The following KIF14 variants were observed in gnomAD, a reference collection of about 807,000 sequenced individuals.
KIF14 encodes the protein kinesin family member 14, also known as kinesin-like protein KIF14.
In KIF14, 98 loss-of-function variants were observed where a neutral mutation model predicts 176.2. That is an observed-to-expected ratio of 0.56 (90% CI 0.47 to 0.66). The LOEUF is 0.66. Among genes scored for constraint, KIF14 ranks in the 30% least tolerant of loss-of-function variants. KIF14 has a pLI of 0.00. For missense variants in KIF14, 1,751 were observed against 1,920.4 expected (o/e 0.91, Z 1.65); for synonymous variants, 566 against 632.2 (o/e 0.90, Z 1.57).
At position 200,598,212 on chromosome 1, in the gene KIF14, C is replaced by CT. The variant is rs759440872; in HGVS notation, c.2549+24dup. The CT allele has an allele frequency of 6.5e-4, 1,013 of 1,548,840 alleles. 3 individuals carry two copies. The African/African-American group carries it at 6.8e-3, about 10-fold the overall frequency. ...TCAAGATATAGAACAGGTGCCTTTT[C>CT]TTTTTTTTTAGAGGATTAACATACC... On this transcript the variant is annotated intron_variant, in intron 14 of 29. Transcript: ENST00000367350.
intron 4 of KIF14, among the ~76,000 whole-genome samples, chr1:200,612,957 G>A (rs962672497): frequency 1.3e-4 from 18 of 141,548 alleles, no homozygotes; most frequent in South Asian, 8.7e-4. Flanking sequence ...GCGCGATCTC[G>A]GCTCACTGCA....
chr1:200,577,824 G>A (rs1658213321), intron 21 of KIF14, among the ~76,000 whole-genome samples: 1 of 151,974 alleles, frequency 6.6e-6, no homozygotes, highest in East Asian at 1.9e-4. Flanking sequence ...AAGATAAACT[G>A]TGACACTTTC....
At position 200,584,921 on chromosome 1, in the gene KIF14, G is replaced by A. The variant is rs140639257; in HGVS notation, c.3241+1180C>T. Reference sequence around the variant, plus strand: ...GAAGAAGTAAAATTGTTAGTTTATAGACGACATGATCTTATATATAGAAAA... The same window carrying A: ...GAAGAAGTAAAATTGTTAGTTTATAAACGACATGATCTTATATATAGAAAA... On this transcript the variant is annotated intron_variant, in intron 19 of 29. Transcript: ENST00000367350. Among the ~76,000 whole-genome samples, 477 of 152,260 alleles carry A rather than the reference G, an allele frequency of 3.1e-3. 3 individuals are homozygous for A. Among genetic ancestry groups the A allele is most frequent in the African/African-American group, 0.011 (437 of 41,534 alleles).
rs757170280 is a variant in KIF14 at position 200,618,048 on chromosome 1, G to C, written c.676C>G (p.Gln226Glu). 4 of 1,614,152 alleles carry C rather than the reference G, an allele frequency of 2.5e-6. No homozygotes were observed. Among genetic ancestry groups the C allele is most frequent in the South Asian group, 1.1e-5 (1 of 91,076 alleles). The change falls in exon 2 of 30, where the codon CAG (glutamine) becomes GAG (glutamate). Residue 226 changes from glutamine to glutamate, a missense_variant. By Grantham distance (29) the Gln-to-Glu change is conservative. Transcript: ENST00000367350. ...SNRPPIASLS[Q>E]TEVVRSGHLT... ...TGTCCTGATCTAACAACTTCAGTCT[G>C]ACTCAGGGAAGCAATGGGTGGTCTA...
rs78704393 is a variant in KIF14 at position 200,552,181 on chromosome 1, A to T, written c.*1207T>A. On this transcript the variant is annotated 3_prime_UTR_variant, in exon 30 of 30. Coordinates refer to ENST00000367350, the MANE Select transcript of KIF14 (RefSeq NM_014875.3). Reference sequence around the variant, plus strand: ...CTTTTTTTTTCTTCTTTTTTTTTAAATGAATTATTCTTTAGGAACTGCTCA... The same window carrying T: ...CTTTTTTTTTCTTCTTTTTTTTTAATTGAATTATTCTTTAGGAACTGCTCA... 2 of 152,040 alleles carry T rather than the reference A, an allele frequency of 1.3e-5. No individual in the cohort carries two copies. Among genetic ancestry groups the T allele is most frequent in the Non-Finnish European group, 2.9e-5 (2 of 68,030 alleles). The allele number at this position is 152,040 out of a possible 1,614,324, so 9.4% of individuals were successfully genotyped here. A position where few individuals can be genotyped will look rare whatever the true frequency, so the allele number is the denominator to read the frequency against.
In KIF14 at chr1:200,595,606, A is replaced by G. The variant is rs191746409; in HGVS notation, c.2550-1837T>C. On this transcript the variant is annotated intron_variant, in intron 14 of 29. Transcript: ENST00000367350. Reference sequence around the variant, plus strand: ...ATTTGTTAAAGAAAATAATTAATTAATAAAAGAGCAAAAGAACCTAAAGAA... The same window carrying G: ...ATTTGTTAAAGAAAATAATTAATTAGTAAAAGAGCAAAAGAACCTAAAGAA... Among the ~76,000 whole-genome samples the G allele has an allele frequency of 7.5e-3, 1,147 of 152,286 alleles. 2 individuals are homozygous for G. Among genetic ancestry groups the G allele is most frequent in the Non-Finnish European group, 0.01 (683 of 68,032 alleles).
Position 200,553,771 on chromosome 1 carries a change from T to C in KIF14, c.4568-4A>G, listed in dbSNP as rs747231851. ...AGATTTATATCACTATGGCATCCTA[T>C]ATGCAAGAGAGGAGGGAAAAGTTAA... On this transcript the variant is annotated splice_region_variant and splice_polypyrimidine_tract_variant and intron_variant, in intron 29 of 29. Transcript: ENST00000367350. 2 of 1,575,988 alleles carry C rather than the reference T, an allele frequency of 1.3e-6. No individual in the cohort carries two copies. The highest frequency in any genetic ancestry group is 1.9e-5 in the Admixed American group (1 of 53,726).
At chr1:200,580,843 G>A (rs1658400341) in intron 20 of KIF14, among the ~76,000 whole-genome samples, 1 of 152,052 alleles carries the variant, frequency 6.6e-6, no homozygotes, top group Non-Finnish European at 1.5e-5. Flanking sequence ...GGGCGCAGTG[G>A]CTCACACCTG....
intron 27 of KIF14, among the ~76,000 whole-genome samples, chr1:200,555,877 T>C (rs1656805698): frequency 6.6e-6 from 1 of 152,158 alleles, no homozygotes; most frequent in Non-Finnish European, 1.5e-5. Flanking sequence ...AAATTGCACA[T>C]TGATTTCTAT....
intron 28 of KIF14, 120 bp downstream of exon 28, chr1:200,555,260 A>C: frequency 1.6e-6 from 1 of 632,024 alleles, no homozygotes; most frequent in Non-Finnish European, 2.8e-6. Context: ...CTACAATTAG[A>C]CATATACAAA....
chr1:200,594,304 C>T (rs1659210439), intron 14 of KIF14, among the ~76,000 whole-genome samples: 1 of 132,198 alleles, frequency 7.6e-6, no homozygotes, highest in African/African-American at 2.9e-5. Flanking sequence ...GTGGTGGGAA[C>T]ATTCTTCATT....
chr1:200,564,033 G>A (rs981299511), intron 25 of KIF14, among the ~76,000 whole-genome samples: 1 of 151,958 alleles, frequency 6.6e-6, no homozygotes, highest in Non-Finnish European at 1.5e-5. Context: ...AAGCTGAGGG[G>A]GGCGGATCAC....
intron 20 of KIF14, 81 bp downstream of exon 20, chr1:200,581,120 A>G: frequency 1.6e-6 from 1 of 616,342 alleles, no homozygotes; most frequent in Non-Finnish European, 2.6e-6. Context: ...TCTCAGAAAA[A>G]AAAAAAAAAA....
At position 200,600,448 on chromosome 1, in the gene KIF14, A is replaced by T; in HGVS notation, c.2208T>A (p.Ile736=). The change falls in exon 12 of 30, where the codon ATT becomes ATA. Residue 736 remains isoleucine, a synonymous_variant. Transcript: ENST00000367350. Reference sequence around the variant, plus strand: ...GACAGAGCCTGTATCGTTCAGGGTCAATATTCCGACTGTTTCTCTGAGCAG... The same window carrying T: ...GACAGAGCCTGTATCGTTCAGGGTCTATATTCCGACTGTTTCTCTGAGCAG... The part of the protein sequence containing the change: ...LKAAQRNSRN[I]DPERYRLCRQ... 6.2e-7 allele frequency: 1 copy of T among 1,613,828 alleles called. No homozygotes were observed. The highest frequency in any genetic ancestry group is 8.5e-7 in the Non-Finnish European group (1 of 1,179,744).
intron 20 of KIF14, 67 bp from the exon 21 acceptor site, chr1:200,580,450 T>G (rs1201395769): frequency 2.0e-5 from 21 of 1,072,742 alleles, no homozygotes; most frequent in Admixed American, 3.1e-5. Context: ...CTAAGAGTTT[T>G]CTGGGGTAGA....
intron 2 of KIF14, 88 bp downstream of exon 2, chr1:200,617,524 G>T: frequency 2.3e-6 from 3 of 1,304,102 alleles, no homozygotes; most frequent in Non-Finnish European, 3.2e-6. Flanking sequence ...GAAGATGCAC[G>T]AATACACTGA....
At chr1:200,593,044 CACA>C (rs1467082666) in intron 15 of KIF14, among the ~76,000 whole-genome samples, 1 of 152,150 alleles carries the variant, frequency 6.6e-6, no homozygotes, top group Non-Finnish European at 1.5e-5. Context: ...ATTTACGATT[CACA>C]ACAACTCAGT....
At chr1:200,608,760 G>C in intron 5 of KIF14, 70 bp downstream of exon 5, 1 of 914,244 alleles carries the variant, frequency 1.1e-6, no homozygotes, top group Non-Finnish European at 1.8e-6. Flanking sequence ...ACCATCCAGA[G>C]AACTCAAATA....
At chr1:200,591,452 C>T (rs1382454256) in intron 16 of KIF14, among the ~76,000 whole-genome samples, 2 of 152,178 alleles carry the variant, frequency 1.3e-5, no homozygotes, top group South Asian at 2.1e-4. Flanking sequence ...GAGTGTCTCA[C>T]GTCTGCTCAA....
Sources: gnomAD v4.1 joint callset for allele counts (sites outside exome capture counted in the v4.1 genomes callset) on GRCh38, gnomAD v4.1.1 for gene constraint, MANE v1.5 for transcripts, NCBI Gene and HGNC (gene_info 2026-07-23, HGNC 2026-07-21) for gene names.